The following NEO1 variants were observed in gnomAD, a reference collection of about 807,000 sequenced individuals.
NEO1 encodes the protein neogenin.
Under a neutral mutation model 159.7 loss-of-function variants are expected in NEO1, and 63 were observed. That is an observed-to-expected ratio of 0.39 (90% CI 0.32 to 0.49). NEO1 has a LOEUF of 0.49. Ranked by LOEUF, NEO1 falls within the 20% of genes least tolerant of loss-of-function variation. NEO1 has a pLI of 0.85. For synonymous variants in NEO1, 633 were observed against 662.0 expected (o/e 0.96, Z 0.67); for missense variants, 1,615 against 1,831.0 (o/e 0.88, Z 2.15).
intron 3 of NEO1, 79 bp downstream of exon 3, chr15:73,122,879 A>T (rs1167866707): frequency 6.4e-7 from 1 of 1,551,776 alleles, no homozygotes; most frequent in East Asian, 2.3e-5. Context: ...TTTAAAAATA[A>T]TGAATGTTGG....
chr15:73,055,708 ATCC>A (rs2067662092), intron 1 of NEO1, among the ~76,000 whole-genome samples: 1 of 152,090 alleles, frequency 6.6e-6, no homozygotes, highest in African/African-American at 2.4e-5. Context: ...TGCTTCCTTC[ATCC>A]CCATTCTCTA....
intron 5 of NEO1, among the ~76,000 whole-genome samples, chr15:73,171,450 G>A (rs955967799): frequency 1.3e-5 from 2 of 151,780 alleles, no homozygotes; most frequent in African/African-American, 4.8e-5. Flanking sequence ...TGTAGTCTCA[G>A]CTACTTGAGC....
intron 7 of NEO1, among the ~76,000 whole-genome samples, chr15:73,206,848 C>CGT (rs938536165): frequency 1.8e-4 from 25 of 136,362 alleles, no homozygotes; most frequent in African/African-American, 5.1e-4. Flanking sequence ...TGTGTGTGTG[C>CGT]GTGTGTGTGT....
At chr15:73,206,766 G>A (rs1039055240) in intron 7 of NEO1, among the ~76,000 whole-genome samples, 3 of 151,744 alleles carry the variant, frequency 2.0e-5, no homozygotes, top group African/African-American at 4.8e-5. Flanking sequence ...ACTTTCTATC[G>A]TTTAAGAATT....
At chr15:73,194,608 C>T (rs1367059151) in intron 7 of NEO1, among the ~76,000 whole-genome samples, 2 of 152,164 alleles carry the variant, frequency 1.3e-5, no homozygotes, top group Non-Finnish European at 2.9e-5. Flanking sequence ...CAGGCCATTC[C>T]TGAGGGTTCT....
chr15:73,137,339 A>C (rs1266991065), intron 5 of NEO1, among the ~76,000 whole-genome samples: 1 of 152,222 alleles, frequency 6.6e-6, no homozygotes, highest in Non-Finnish European at 1.5e-5. Context: ...AGAAAATATA[A>C]ACACAGAACC....
chr15:73,236,207 T>G, intron 7 of NEO1, 140 bp from the exon 8 acceptor site: 1 of 1,144,770 alleles, frequency 8.7e-7, no homozygotes, highest in Non-Finnish European at 1.2e-6. Context: ...ATTTCTTTTT[T>G]GTTTTTTGTT....
chr15:73,284,383 A>G (rs545307306), intron 23 of NEO1, among the ~76,000 whole-genome samples: 1 of 152,334 alleles, frequency 6.6e-6, no homozygotes, highest in South Asian at 2.1e-4. Flanking sequence ...TTCACTGTAC[A>G]GGGTAAGTAC....
At chr15:73,245,956 T>C (rs1596468455) in intron 9 of NEO1, among the ~76,000 whole-genome samples, 1 of 152,156 alleles carries the variant, frequency 6.6e-6, no homozygotes, top group South Asian at 2.1e-4. Flanking sequence ...CCAGTAATAA[T>C]AAAATATTTT....
At chr15:73,107,308 G>A (rs192149250) in intron 1 of NEO1, among the ~76,000 whole-genome samples, 1 of 152,296 alleles carries the variant, frequency 6.6e-6, no homozygotes, top group Admixed American at 6.5e-5. Context: ...AAATTAAGGT[G>A]ATCTCGAAGA....
chr15:73,177,029 C>T (rs1287824426), intron 6 of NEO1, among the ~76,000 whole-genome samples: 3 of 152,128 alleles, frequency 2.0e-5, no homozygotes, highest in East Asian at 1.9e-4. Flanking sequence ...AATCGTATAC[C>T]GATGCCCAGA....
chr15:73,069,910 T>G (rs890019624), intron 1 of NEO1, among the ~76,000 whole-genome samples: 9 of 152,192 alleles, frequency 5.9e-5, no homozygotes, highest in African/African-American at 2.2e-4. Context: ...AGCTAGAGTT[T>G]GCTAGTTGGG....
At chr15:73,173,212 G>A (rs2151941275) in intron 5 of NEO1, among the ~76,000 whole-genome samples, 2 of 152,248 alleles carry the variant, frequency 1.3e-5, no homozygotes, top group South Asian at 4.1e-4. Flanking sequence ...CTTTGAGAAG[G>A]AACAGACAAA....
chr15:73,164,066 C>A (rs557652140), intron 5 of NEO1, among the ~76,000 whole-genome samples: 1 of 148,182 alleles, frequency 6.7e-6, no homozygotes, highest in South Asian at 2.1e-4. Flanking sequence ...CTCACTCTGT[C>A]GCCCAGGCTG....
chr15:73,070,777 G>T (rs748839004), intron 1 of NEO1, among the ~76,000 whole-genome samples: 3 of 152,108 alleles, frequency 2.0e-5, no homozygotes, highest in Non-Finnish European at 2.9e-5. Context: ...TGAATGTTCT[G>T]TCTCTCTGTC....
intron 9 of NEO1, among the ~76,000 whole-genome samples, chr15:73,244,743 GTT>G (rs2039666176): frequency 1.3e-5 from 2 of 151,822 alleles, no homozygotes; most frequent in Non-Finnish European, 1.5e-5. Flanking sequence ...CTGAGGTCAG[GTT>G]TTTTAGACCA....
chr15:73,168,054 T>A (rs956337887), intron 5 of NEO1, among the ~76,000 whole-genome samples: 1 of 152,006 alleles, frequency 6.6e-6, no homozygotes, highest in Admixed American at 6.6e-5. Context: ...TTGAAAAAAA[T>A]TCTACTAATA....
chr15:73,150,809 C>T (rs1212705719), intron 5 of NEO1, among the ~76,000 whole-genome samples: 3 of 152,298 alleles, frequency 2.0e-5, no homozygotes, highest in East Asian at 3.9e-4. Flanking sequence ...CTGCTTACTA[C>T]CCCAGAGGGT....
At chr15:73,176,691 G>A (rs955163461) in intron 6 of NEO1, 134 bp downstream of exon 6, 1 of 604,776 alleles carries the variant, frequency 1.7e-6, no homozygotes, top group Non-Finnish European at 2.6e-6. Context: ...CACATAGAAT[G>A]TAATACCTTC....
Sources: allele counts gnomAD v4.1 joint callset (sites outside exome capture counted in the v4.1 genomes callset), GRCh38; gene constraint gnomAD v4.1.1; transcripts MANE v1.5; gene names NCBI Gene and HGNC (gene_info 2026-07-23, HGNC 2026-07-21).